Variants in OGFOD1 observed in about 807,000 individuals in gnomAD.
The protein encoded by OGFOD1 is 2-oxoglutarate and iron dependent oxygenase domain containing 1.
OGFOD1 carries 54 observed loss-of-function variants against 67.7 expected under a neutral mutation model. The observed-to-expected ratio is 0.80, with a 90% confidence interval of 0.64 to 1.00. The LOEUF (loss-of-function observed/expected upper bound fraction) is 1.00, where lower values mean the gene tolerates loss of function less well. Ranked by LOEUF, OGFOD1 falls within the 50% of genes least tolerant of loss-of-function variation. The probability of loss-of-function intolerance (pLI) is 0.00; values close to 1 mark genes in which losing one functional copy is unlikely to be tolerated. For synonymous variants in OGFOD1, 221 were observed against 227.0 expected (o/e 0.97, Z 0.24); for missense variants, 606 against 646.7 (o/e 0.94, Z 0.68).
chr16:56,465,953 T>C (rs1962881457), intron 4 of OGFOD1, 199 bp from the exon 5 acceptor site: 1 of 496,088 alleles, frequency 2.0e-6, no homozygotes, highest in African/African-American at 1.9e-5. Flanking sequence ...TATGTGCTCT[T>C]TATTTTTAGA....
intron 2 of OGFOD1, 139 bp from the exon 3 acceptor site, chr16:56,458,409 T>C (rs1962597568): frequency 2.7e-6 from 2 of 738,844 alleles, no homozygotes; most frequent in Non-Finnish European, 4.9e-6. Context: ...AGGGGCCCTG[T>C]GTTAAACCTA....
intron 3 of OGFOD1, chr16:56,458,933 T>C (rs535208488): frequency 7.4e-5 from 22 of 296,976 alleles, no homozygotes; most frequent in African/African-American, 4.2e-4. Context: ...TTGACAGATA[T>C]AGATAGATAA....
At position 56,477,647 on chromosome 16, in the gene OGFOD1, C is replaced by A. The variant is rs143675171; in HGVS notation, c.*1442C>A. 6.6e-6 allele frequency: 1 copy of A among 152,162 alleles called. No individual in the cohort carries two copies. The highest frequency in any genetic ancestry group is 1.5e-5 in the Non-Finnish European group (1 of 68,034). 9.4% of individuals were successfully genotyped at this position (152,162 alleles called of 1,614,324 possible). ...CTTGAACTGTTCCAGGGAGTTACATCATAATTACCTGTGTGTGGGTATGCA... is the reference window on the plus strand; with the variant it reads ...CTTGAACTGTTCCAGGGAGTTACATAATAATTACCTGTGTGTGGGTATGCA... On this transcript the variant is annotated 3_prime_UTR_variant, in exon 13 of 13. Transcript: ENST00000566157.
Position 56,478,033 on chromosome 16 carries a change from C to A in OGFOD1, c.*1828C>A, listed in dbSNP as rs1397670568. 6.6e-6 allele frequency: 1 copy of A among 152,180 alleles called. No individual in the cohort carries two copies. Among genetic ancestry groups the A allele is most frequent in the Non-Finnish European group, 1.5e-5 (1 of 68,030 alleles). The allele number at this position is 152,180 out of a possible 1,614,324, so 9.4% of individuals were successfully genotyped here. On this transcript the variant is annotated 3_prime_UTR_variant, in exon 13 of 13. Coordinates refer to ENST00000566157, the MANE Select transcript of OGFOD1 (RefSeq NM_018233.4). ...ACATGTAGTAATATTATTTCTATAA[C>A]TTACTGTTATAAAACACTAATTTTT...
In OGFOD1 at chr16:56,458,895, GTAAATAT is replaced by G. The variant is rs566250702; in HGVS notation, c.347+306_347+312del. 2.1e-3 allele frequency: 776 copies of G among 361,622 alleles called. 9 individuals are homozygous for G. Among genetic ancestry groups the G allele is most frequent in the Non-Finnish European group, 6.6e-4 (128 of 195,318 alleles). The allele number at this position is 361,622 out of a possible 1,614,324, so 22.4% of individuals were successfully genotyped here. A position where few individuals can be genotyped will look rare whatever the true frequency, so the allele number is the denominator to read the frequency against. The stretch of plus-strand genomic sequence containing the variant: ...ATACCATTTTTCACATGTTAGGTTG[GTAAATAT>G]TAAAAATAAAAACCCTAGTGTTGAC... On this transcript the variant is annotated intron_variant, in intron 3 of 12. Transcript: ENST00000566157.
intron 3 of OGFOD1, among the ~76,000 whole-genome samples, chr16:56,459,705 A>G (rs1334820234): frequency 6.6e-6 from 1 of 152,198 alleles, no homozygotes; most frequent in Non-Finnish European, 1.5e-5. Context: ...ATTTTTGTCA[A>G]GAGAAAAAAA....
At chr16:56,474,621 A>G (rs1963369461) in intron 10 of OGFOD1, among the ~76,000 whole-genome samples, 1 of 152,028 alleles carries the variant, frequency 6.6e-6, no homozygotes, top group Non-Finnish European at 1.5e-5. Flanking sequence ...TGCCCGGCCC[A>G]AAATTCAACT....
chr16:56,453,226 A>G, intron 1 of OGFOD1, 37 bp from the exon 2 acceptor site: 2 of 1,580,776 alleles, frequency 1.3e-6, no homozygotes, highest in Non-Finnish European at 1.7e-6. Context: ...AAAATACAAA[A>G]GGAAAAAAGC....
rs570961012 is a variant in OGFOD1, at chr16:56,465,307, C to CTA, written c.449-838_449-837dup. Among the ~76,000 whole-genome samples, 9 of 152,160 alleles carry CTA rather than the reference C, an allele frequency of 5.9e-5. No homozygotes were observed. In the East Asian group the frequency reaches 1.7e-3, roughly 29 times the overall value. On this transcript the variant is annotated intron_variant, in intron 4 of 12. Coordinates refer to ENST00000566157, the MANE Select transcript of OGFOD1 (RefSeq NM_018233.4). ...GAGCCACCGTGCCCGGCCTGTATTT[C>CTA]TATATATAGATATATAAAACTATAG...
intron 2 of OGFOD1, among the ~76,000 whole-genome samples, chr16:56,457,478 C>T (rs1254624375): frequency 6.6e-6 from 1 of 152,166 alleles, no homozygotes; most frequent in Non-Finnish European, 1.5e-5. Context: ...TGCTGATGAT[C>T]GCCCAACATT....
intron 4 of OGFOD1, among the ~76,000 whole-genome samples, chr16:56,464,969 T>C (rs1189043415): frequency 6.6e-6 from 1 of 152,102 alleles, no homozygotes; most frequent in Non-Finnish European, 1.5e-5. Flanking sequence ...CACATGTGGA[T>C]GCACACACAT....
intron 3 of OGFOD1, among the ~76,000 whole-genome samples, chr16:56,461,535 G>A (rs753582514): frequency 6.6e-5 from 10 of 152,196 alleles, no homozygotes; most frequent in Non-Finnish European, 8.8e-5. Flanking sequence ...CAAGGAGGCA[G>A]TAGTGTGAAC....
At chr16:56,453,220 T>C (rs1596962830) in intron 1 of OGFOD1, 43 bp from the exon 2 acceptor site, 2 of 1,577,414 alleles carry the variant, frequency 1.3e-6, no homozygotes, top group Middle Eastern at 1.7e-4. Flanking sequence ...ATGTCAAAAA[T>C]ACAAAAGGAA....
At chr16:56,475,320 T>A (rs1202074308) in intron 11 of OGFOD1, among the ~76,000 whole-genome samples, 187 bp from the exon 12 acceptor site, 1 of 152,182 alleles carries the variant, frequency 6.6e-6, no homozygotes, top group Non-Finnish European at 1.5e-5. Flanking sequence ...CTCAGGAAAT[T>A]AGGCATTTAG....
At chr16:56,466,043 T>C (rs1962885060) in intron 4 of OGFOD1, 109 bp from the exon 5 acceptor site, 1 of 727,718 alleles carries the variant, frequency 1.4e-6, no homozygotes, top group Non-Finnish European at 2.4e-6. Context: ...CATTTAAAGC[T>C]GGAGCTGACA....
intron 2 of OGFOD1, chr16:56,454,668 G>C (rs1255102992): frequency 2.9e-6 from 1 of 349,932 alleles, no homozygotes; most frequent in East Asian, 8.5e-5. Context: ...AAAAAAGAAA[G>C]ATTAAAAAGA....
At chr16:56,458,894 G>T in intron 3 of OGFOD1, 1 of 356,210 alleles carries the variant, frequency 2.8e-6, no homozygotes, top group Non-Finnish European at 5.2e-6. Context: ...ATGTTAGGTT[G>T]GTAAATATTA....
chr16:56,477,858 A>G lies in OGFOD1; in HGVS notation c.*1653A>G, dbSNP rs1350211675. The G allele has an allele frequency of 1.3e-5, 2 of 152,184 alleles. No individual in the cohort carries two copies. Among genetic ancestry groups the G allele is most frequent in the African/African-American group, 4.8e-5 (2 of 41,444 alleles). The allele number at this position is 152,184 out of a possible 1,614,324, so 9.4% of individuals were successfully genotyped here. A position where few individuals can be genotyped will look rare whatever the true frequency, so the allele number is the denominator to read the frequency against. ...CTTTCATCTCCTAAAACTTTTGAGT[A>G]TTCATTCTTTTCTGAAGTTTGCATT... On this transcript the variant is annotated 3_prime_UTR_variant, in exon 13 of 13. Transcript: ENST00000566157.
chr16:56,466,835 T>C (rs984575977), intron 5 of OGFOD1, 41 bp from the exon 6 acceptor site: 1 of 1,420,520 alleles, frequency 7.0e-7, no homozygotes, highest in African/African-American at 1.4e-5. Flanking sequence ...AGGCTGGAAG[T>C]GGTTAATGAT....
Sources: gnomAD v4.1 joint callset for allele counts (sites outside exome capture counted in the v4.1 genomes callset) on GRCh38, gnomAD v4.1.1 for gene constraint, MANE v1.5 for transcripts, NCBI Gene and HGNC (gene_info 2026-07-23, HGNC 2026-07-21) for gene names.